The following FRMPD1 variants were observed in gnomAD, a reference collection of about 807,000 sequenced individuals.
FRMPD1 encodes the protein FERM and PDZ domain containing 1.
A neutral mutation model predicts 117.8 loss-of-function variants in FRMPD1; 76 were observed. That is an observed-to-expected ratio of 0.65 (90% confidence interval 0.54 to 0.78). The LOEUF is 0.78. FRMPD1 is among the 30% of genes least tolerant of loss of function. FRMPD1 has a pLI of 0.00. For synonymous variants in FRMPD1, 783 were observed against 770.4 expected (o/e 1.02, Z -0.27); for missense variants, 1,786 against 1,964.5 (o/e 0.91, Z 1.72).
intron 5 of FRMPD1, among the ~76,000 whole-genome samples, chr9:37,717,369 G>GTGTATATA (rs1407798527): frequency 1.1e-5 from 1 of 94,134 alleles, no homozygotes; most frequent in African/African-American, 4.3e-5. Context: ...GTGTGTGTGT[G>GTGTATATA]TATATATATA....
At chr9:37,664,729 T>C (rs1373054381) in intron 1 of FRMPD1, among the ~76,000 whole-genome samples, 1 of 152,082 alleles carries the variant, frequency 6.6e-6, no homozygotes, top group South Asian at 2.1e-4. Flanking sequence ...TCTGGAATAA[T>C]CAAAGAACTA....
In FRMPD1 at chr9:37,745,273, G is replaced by A. The variant is rs762542393; in HGVS notation, c.3241G>A (p.Glu1081Lys). ...AGAGCCTTTGTTGTCTCCTAGAGAT[G>A]AGCCTAGAAGTGATGAATGTGGAAT... ...YTEPLLSPRDEPRSDECGINP... is the reference protein window; with the variant it reads ...YTEPLLSPRDKPRSDECGINP... The change falls in exon 16 of 16, where the codon GAG (glutamate) becomes AAG (lysine). Residue 1081 changes from glutamate to lysine, a missense_variant. By Grantham distance (56) the Glu-to-Lys change is moderately conservative. Transcript: ENST00000377765. The A allele has an allele frequency of 1.9e-6, 3 of 1,612,386 alleles. No individual in the cohort carries two copies. Among genetic ancestry groups the A allele is most frequent in the Admixed American group, 1.7e-5 (1 of 60,022 alleles).
At chr9:37,704,655 GATAT>G (rs35796066) in intron 2 of FRMPD1, among the ~76,000 whole-genome samples, 1 of 149,322 alleles carries the variant, frequency 6.7e-6, no homozygotes, top group South Asian at 2.1e-4. Flanking sequence ...GGTTGAGTGA[GATAT>G]ATATATATAT....
At chr9:37,707,770 G>A (rs1392453422) in intron 3 of FRMPD1, among the ~76,000 whole-genome samples, 197 bp downstream of exon 3, 2 of 152,334 alleles carry the variant, frequency 1.3e-5, no homozygotes, top group Admixed American at 6.5e-5. Flanking sequence ...TGCACTTGCC[G>A]CTCCAAACCC....
rs954761172 is a variant in FRMPD1, at chr9:37,727,310, G to A, written c.613-2418G>A. Among the ~76,000 whole-genome samples the A allele has an allele frequency of 3.3e-5, 5 of 152,138 alleles. 1 individual carries two copies. Among genetic ancestry groups the A allele is most frequent in the Non-Finnish European group, 7.3e-5 (5 of 68,030 alleles). On this transcript the variant is annotated intron_variant, in intron 7 of 15. Coordinates refer to ENST00000377765, the MANE Select transcript of FRMPD1 (RefSeq NM_014907.3). ...CCTTCTGTAAAGGGCCACATAGTGA[G>A]TATTTTAGGTTTTGCAGGCCACAGG...
intron 1 of FRMPD1, among the ~76,000 whole-genome samples, chr9:37,680,803 A>G (rs1195426775): frequency 6.6e-6 from 1 of 152,186 alleles, no homozygotes; most frequent in Non-Finnish European, 1.5e-5. Flanking sequence ...GCCCTTTTCT[A>G]TAATAAAAAG....
chr9:37,702,338 G>C (rs1035190753), intron 2 of FRMPD1, among the ~76,000 whole-genome samples: 37 of 152,350 alleles, frequency 2.4e-4, no homozygotes, highest in Middle Eastern at 3.4e-3. Context: ...GAGAAATACA[G>C]AGGTGGACAA....
intron 2 of FRMPD1, among the ~76,000 whole-genome samples, chr9:37,704,477 G>T (rs912074223): frequency 6.6e-6 from 1 of 151,966 alleles, no homozygotes; most frequent in African/African-American, 2.4e-5. Context: ...CATTTGGACC[G>T]CACTGCTCTA....
rs146493819 is a variant in FRMPD1 at position 37,691,443 on chromosome 9, T to C, written c.-4-1195T>C. ...GGTAAAATTTGAACATAGTCTATAG[T>C]TCAGTTAATAATATCGTACCAATGT... On this transcript the variant is annotated intron_variant, in intron 1 of 15. Transcript: ENST00000377765. Among the ~76,000 whole-genome samples the C allele has an allele frequency of 3.5e-3, 538 of 152,348 alleles. 3 individuals carry two copies. Among genetic ancestry groups the C allele is most frequent in the African/African-American group, 0.012 (509 of 41,580 alleles).
chr9:37,638,205 C>G, the FRMPD1 span, among the ~76,000 whole-genome samples: 11 of 151,972 alleles, frequency 7.2e-5, no homozygotes, highest in South Asian at 2.3e-3. Context: ...TCCCGAGTAG[C>G]TGGGATTACA....
intron 2 of FRMPD1, among the ~76,000 whole-genome samples, chr9:37,697,995 G>T (rs1048327742): frequency 6.6e-6 from 1 of 152,132 alleles, no homozygotes. Context: ...CGTGCCTCTA[G>T]TCCCAGCTAC....
chr9:37,693,235 G>T, intron 2 of FRMPD1: 1 of 155,030 alleles, frequency 6.5e-6, no homozygotes, highest in Non-Finnish European at 1.4e-5. Flanking sequence ...GTTTCCAGCA[G>T]CTGTTCCTTC....
intron 2 of FRMPD1, among the ~76,000 whole-genome samples, chr9:37,701,322 T>C (rs1484913030): frequency 6.6e-6 from 1 of 152,200 alleles, no homozygotes; most frequent in Non-Finnish European, 1.5e-5. Flanking sequence ...ACAAGAAATA[T>C]GTGGTTCTTG....
chr9:37,733,575 G>C lies in FRMPD1; in HGVS notation c.1098G>C (p.Gln366His), dbSNP rs1823988236. 6.2e-7 allele frequency: 1 copy of C among 1,614,054 alleles called. No individual in the cohort carries two copies. The highest frequency in any genetic ancestry group is 2.2e-5 in the East Asian group (1 of 44,880). ...KAISFHMKRN[Q>H]NLLEPRQKQL... ...TTAGCTTCCACATGAAGAGGAACCA[G>C]AATTTGCTGGAACCCCGACAGAAGG... is the stretch of plus-strand genomic sequence containing the variant. Residue 366 changes from glutamine to histidine, a missense_variant, in exon 11 of 16, where the codon CAG (glutamine) becomes CAC (histidine). Coordinates refer to ENST00000377765, the MANE Select transcript of FRMPD1 (RefSeq NM_014907.3).
intron 7 of FRMPD1, among the ~76,000 whole-genome samples, chr9:37,729,191 TG>T (rs1055422445): frequency 2.6e-5 from 4 of 151,788 alleles, no homozygotes; most frequent in African/African-American, 9.7e-5. Flanking sequence ...AAGACCAGCC[TG>T]GCCAACATTC....
Position 37,745,721 on chromosome 9 carries a change from C to T in FRMPD1, c.3689C>T (p.Ala1230Val). 1 of 1,614,148 alleles carries T rather than the reference C, an allele frequency of 6.2e-7. No individual in the cohort carries two copies. Among genetic ancestry groups the T allele is most frequent in the South Asian group, 1.1e-5 (1 of 91,084 alleles). The change falls in exon 16 of 16, where the codon GCA becomes GTA. Residue 1230 changes from alanine to valine, a missense_variant. Transcript: ENST00000377765. ...AVPPEGIKAE[A>V]PNHVTGQDIA... ...CCTCCAGAGGGGATCAAGGCAGAGG[C>T]ACCTAACCATGTGACAGGGCAAGAT...
At chr9:37,611,471 T>C in the FRMPD1 span, among the ~76,000 whole-genome samples, 1 of 152,228 alleles carries the variant, frequency 6.6e-6, no homozygotes, top group East Asian at 1.9e-4. Context: ...TATAAAATGA[T>C]TTTGAAAGGA....
chr9:37,656,394 G>A (rs899873752), intron 1 of FRMPD1, among the ~76,000 whole-genome samples: 1 of 152,108 alleles, frequency 6.6e-6, no homozygotes, highest in Non-Finnish European at 1.5e-5. Flanking sequence ...CTATTTTAAA[G>A]GAATATACTG....
intron 1 of FRMPD1, among the ~76,000 whole-genome samples, chr9:37,666,274 A>G (rs1020742928): frequency 6.6e-6 from 1 of 152,108 alleles, no homozygotes; most frequent in Non-Finnish European, 1.5e-5. Context: ...CCCCACTAAC[A>G]CTTATTGAGT....
Sources: allele counts gnomAD v4.1 joint callset (sites outside exome capture counted in the v4.1 genomes callset), GRCh38; gene constraint gnomAD v4.1.1; transcripts MANE v1.5; gene names NCBI Gene and HGNC (gene_info 2026-07-23, HGNC 2026-07-21).